Variants in OAF observed in about 807,000 individuals in gnomAD.
The protein encoded by OAF is out at first protein homolog.
Under a neutral mutation model 22.5 loss-of-function variants are expected in OAF, and 13 were observed. The observed-to-expected ratio is 0.58, with a 90% CI of 0.38 to 0.92. The LOEUF (loss-of-function observed/expected upper bound fraction) is 0.92, where lower values mean the gene tolerates loss of function less well. OAF is among the 40% of genes least tolerant of loss of function. The pLI, the probability that OAF is intolerant of heterozygous loss-of-function variation, is 0.00. For synonymous variants in OAF, 175 were observed against 170.5 expected (o/e 1.03, Z -0.21); for missense variants, 347 against 381.8 (o/e 0.91, Z 0.76).
intron 1 of OAF, among the ~76,000 whole-genome samples, chr11:120,221,206 T>C (rs1242731835): frequency 6.6e-6 from 1 of 152,176 alleles, no homozygotes; most frequent in Non-Finnish European, 1.5e-5. Context: ...CACCATCCCC[T>C]GGAAAACAGG....
intron 1 of OAF, among the ~76,000 whole-genome samples, chr11:120,221,658 C>T (rs770881955): frequency 6.6e-6 from 1 of 152,226 alleles, no homozygotes; most frequent in Non-Finnish European, 1.5e-5. Flanking sequence ...GTAACACTGG[C>T]TCCAGAGCCT....
intron 2 of OAF, among the ~76,000 whole-genome samples, chr11:120,226,079 G>T (rs1300810338): frequency 6.6e-6 from 1 of 152,188 alleles, no homozygotes; most frequent in African/African-American, 2.4e-5. Context: ...CCCTAGAGCT[G>T]CAGATCACTA....
chr11:120,229,385 G>C lies in OAF; in HGVS notation c.*243G>C. 4.1e-6 allele frequency: 1 copy of C among 245,380 alleles called. No individual in the cohort carries two copies. The highest frequency in any genetic ancestry group is 7.1e-6 in the Non-Finnish European group (1 of 140,140). 15.2% of individuals were successfully genotyped at this position (245,380 alleles called of 1,614,324 possible). A position where few individuals can be genotyped will look rare whatever the true frequency, so the allele number is the denominator to read the frequency against. The stretch of plus-strand genomic sequence containing the variant: ...CTTGCGGGCAGAGAGGGAGAGAAGG[G>C]CTCCCCAGATCTACACCCCTCCCTC... On this transcript the variant is annotated 3_prime_UTR_variant, in exon 4 of 4. Transcript: ENST00000328965.
intron 1 of OAF, chr11:120,217,066 C>T (rs1429423395): frequency 6.6e-6 from 1 of 152,310 alleles, no homozygotes; most frequent in Non-Finnish European, 1.5e-5. Context: ...GGCTAAAGAA[C>T]CCTGGGGAGG....
Position 120,211,291 on chromosome 11 carries a change from C to T in OAF, c.12C>T (p.Pro4=). The T allele has an allele frequency of 3.2e-6, 4 of 1,253,762 alleles. No homozygotes were observed. The highest frequency in any genetic ancestry group is 4.0e-6 in the Non-Finnish European group (4 of 999,366). 77.7% of individuals were successfully genotyped at this position (1,253,762 alleles called of 1,614,324 possible). A position where few individuals can be genotyped will look rare whatever the true frequency, so the allele number is the denominator to read the frequency against. Reference sequence around the variant, plus strand: ...AGCGGCCCCCGGGGATGCGCCTTCCCGGGGTACCCCTGGCGCGCCCTGCGC... The same window carrying T: ...AGCGGCCCCCGGGGATGCGCCTTCCTGGGGTACCCCTGGCGCGCCCTGCGC... MRL[P]GVPLARPALL... The change falls in exon 1 of 4, where the codon CCC becomes CCT. Residue 4 remains proline (P), a synonymous_variant. Transcript: ENST00000328965.
chr11:120,220,703 G>C (rs1474067896), intron 1 of OAF, among the ~76,000 whole-genome samples: 1 of 152,188 alleles, frequency 6.6e-6, no homozygotes, highest in Non-Finnish European at 1.5e-5. Context: ...AGACAGCTGA[G>C]CACAGGGCAT....
chr11:120,216,223 G>A (rs962218039), intron 1 of OAF, among the ~76,000 whole-genome samples: 7 of 152,170 alleles, frequency 4.6e-5, no homozygotes, highest in African/African-American at 1.4e-4. Flanking sequence ...GAAGCCTTGA[G>A]GTGCAGTCAG....
intron 1 of OAF, among the ~76,000 whole-genome samples, chr11:120,225,377 A>G (rs1051059650): frequency 3.3e-5 from 5 of 152,124 alleles, no homozygotes; most frequent in Non-Finnish European, 5.9e-5. Context: ...CACCCTGATC[A>G]GGGTGACGTT....
At chr11:120,227,288 C>T (rs1938372783) in intron 3 of OAF, among the ~76,000 whole-genome samples, 1 of 152,116 alleles carries the variant, frequency 6.6e-6, no homozygotes, top group Non-Finnish European at 1.5e-5. Flanking sequence ...GGAGGGACCC[C>T]CAAACCAGGC....
In OAF at chr11:120,226,848, G is replaced by T; in HGVS notation, c.399G>T (p.Glu133Asp). Residue 133 changes from glutamate to aspartate, a missense_variant, in exon 3 of 4, where the codon GAG becomes GAT. Coordinates refer to ENST00000328965, the MANE Select transcript of OAF (RefSeq NM_178507.4). ...KNPRAVRQAE[E>D]VRGLEHLHMD... The stretch of plus-strand genomic sequence containing the variant: ...CCCGGGCAGTGCGGCAGGCGGAGGA[G>T]GTTCGGGGTCTGGAGCATCTGCACA... 6.2e-7 allele frequency: 1 copy of T among 1,607,564 alleles called. No individual in the cohort carries two copies. The highest frequency in any genetic ancestry group is 8.5e-7 in the Non-Finnish European group (1 of 1,175,212).
chr11:120,215,763 T>C (rs1261719378), intron 1 of OAF, among the ~76,000 whole-genome samples: 2 of 152,200 alleles, frequency 1.3e-5, no homozygotes, highest in Non-Finnish European at 1.5e-5. Flanking sequence ...CTCTTTCACC[T>C]CTGTCCCCTA....
At chr11:120,215,278 C>T (rs1259986267) in intron 1 of OAF, among the ~76,000 whole-genome samples, 1 of 152,172 alleles carries the variant, frequency 6.6e-6, no homozygotes, top group African/African-American at 2.4e-5. Context: ...CGCTTGAATC[C>T]AGGAAGCGGA....
rs1938147386 is a variant in OAF at position 120,211,505 on chromosome 11, A to G, written c.226A>G (p.Lys76Glu). ...GTLVSFTADF[K>E]KDVKVFRALI... ...CCTCGTCTCCTTCACCGCCGACTTCAAGAAGGTGAGGCGCCCTCACTCGCC... is the reference window on the plus strand; with the variant it reads ...CCTCGTCTCCTTCACCGCCGACTTCGAGAAGGTGAGGCGCCCTCACTCGCC... Residue 76 changes from lysine (K) to glutamate (E), a missense_variant, in exon 1 of 4, where the codon AAG (lysine) becomes GAG (glutamate). By Grantham distance (56) the Lys-to-Glu change is moderately conservative. Coordinates refer to ENST00000328965, the MANE Select transcript of OAF (RefSeq NM_178507.4). 6.8e-7 allele frequency: 1 copy of G among 1,460,520 alleles called. No homozygotes were observed. Among genetic ancestry groups the G allele is most frequent in the Non-Finnish European group, 9.1e-7 (1 of 1,099,070 alleles). The allele number at this position is 1,460,520 out of a possible 1,614,324, so 90.5% of individuals were successfully genotyped here.
intron 1 of OAF, among the ~76,000 whole-genome samples, chr11:120,221,655 T>G (rs1938280574): frequency 6.6e-6 from 1 of 152,228 alleles, no homozygotes; most frequent in Non-Finnish European, 1.5e-5. Flanking sequence ...TGGGTAACAC[T>G]GGCTCCAGAG....
At position 120,228,820 on chromosome 11, in the gene OAF, TTCCCTCCCTCCCTCCC is replaced by T. The variant is rs760449235; in HGVS notation, c.548-38_548-23del. The T allele has an allele frequency of 1.7e-5, 11 of 631,010 alleles. 2 individuals carry two copies. Among genetic ancestry groups the T allele is most frequent in the African/African-American group, 1.5e-4 (8 of 55,056 alleles). 39.1% of individuals were successfully genotyped at this position (631,010 alleles called of 1,614,324 possible). ...AGCGGCCTCTGACTAGGGGAGCTCC[TTCCCTCCCTCCCTCCC>T]TCCCTCCCTGATCCTTGCCTCTCTC... On this transcript the variant is annotated intron_variant, in intron 3 of 3. Transcript: ENST00000328965.
Position 120,229,368 on chromosome 11 carries a change from C to CTTTTAATG in OAF, c.*226_*227insTTTTAATG. ...TCCCACCCTGTGCCTTCCTTGCGGGCAGAGAGGGAGAGAAGGGCTCCCCAG... is the reference window on the plus strand; with the variant it reads ...TCCCACCCTGTGCCTTCCTTGCGGGCTTTTAATGAGAGAGGGAGAGAAGGGCTCCCCAG... On this transcript the variant is annotated 3_prime_UTR_variant, in exon 4 of 4. Coordinates refer to ENST00000328965, the MANE Select transcript of OAF (RefSeq NM_178507.4). 6 of 333,878 alleles carry CTTTTAATG rather than the reference C, an allele frequency of 1.8e-5. No homozygotes were observed. Among genetic ancestry groups the CTTTTAATG allele is most frequent in the South Asian group, 1.0e-4 (1 of 9,546 alleles). The allele number at this position is 333,878 out of a possible 1,614,324, so 20.7% of individuals were successfully genotyped here.
chr11:120,225,026 T>C (rs1339149462), intron 1 of OAF, among the ~76,000 whole-genome samples: 1 of 151,940 alleles, frequency 6.6e-6, no homozygotes, highest in Non-Finnish European at 1.5e-5. Context: ...AGCGACCCCA[T>C]GGGGGAAAGG....
At chr11:120,219,210 A>G (rs1234662525) in intron 1 of OAF, among the ~76,000 whole-genome samples, 1 of 152,034 alleles carries the variant, frequency 6.6e-6, no homozygotes, top group Non-Finnish European at 1.5e-5. Flanking sequence ...AGACAGGCCC[A>G]GATGCACCCC....
Position 120,211,477 on chromosome 11 carries a change from C to T in OAF, c.198C>T (p.Gly66=). The change falls in exon 1 of 4, where the codon GGC becomes GGT. Residue 66 remains glycine (G), a synonymous_variant. Coordinates refer to ENST00000328965, the MANE Select transcript of OAF (RefSeq NM_178507.4). ...SISLELRKPD[G]TLVSFTADFK... ...GCCTCGAGCTGCGCAAGCCCGACGG[C>T]ACCCTCGTCTCCTTCACCGCCGACT... 6.6e-7 allele frequency: 1 copy of T among 1,504,752 alleles called. No individual in the cohort carries two copies. 93.2% of individuals were successfully genotyped at this position (1,504,752 alleles called of 1,614,324 possible).
Sources: allele counts gnomAD v4.1 joint callset (sites outside exome capture counted in the v4.1 genomes callset), GRCh38; gene constraint gnomAD v4.1.1; transcripts MANE v1.5; gene names NCBI Gene and HGNC (gene_info 2026-07-23, HGNC 2026-07-21).